NCAPD3: variants seen among roughly 807,000 people sequenced by gnomAD.
The protein encoded by NCAPD3 is non-SMC condensin II complex subunit D3.
A neutral mutation model predicts 182.9 loss-of-function variants in NCAPD3; 105 were observed. The ratio of observed to expected loss-of-function variants is 0.57; its 90% CI spans 0.49 to 0.68. The LOEUF (loss-of-function observed/expected upper bound fraction) is 0.68. Among genes scored for constraint, NCAPD3 ranks in the 30% least tolerant of loss-of-function variants. NCAPD3 has a pLI of 0.00. For synonymous variants in NCAPD3, 815 were observed against 679.9 expected, an observed-to-expected ratio of 1.20 and a Z score of -3.09; for missense variants, 1,944 against 1,837.0, an observed-to-expected ratio of 1.06 and a Z score of -1.07.
At chr11:134,154,491 C>T (rs574745761) in intron 32 of NCAPD3, among the ~76,000 whole-genome samples, 6 of 148,842 alleles carry the variant, frequency 4.0e-5, no homozygotes, top group African/African-American at 1.2e-4. Context: ...CCCCCCCCAC[C>T]GCCCCATCTG....
intron 15 of NCAPD3, 108 bp from the exon 16 acceptor site, chr11:134,193,017 C>A (rs967170794): frequency 9.1e-6 from 6 of 656,154 alleles, no homozygotes; most frequent in Admixed American, 3.0e-5. Flanking sequence ...TGCAAATAGA[C>A]CATAGAGTGA....
Position 134,204,300 on chromosome 11 carries a change from C to T in NCAPD3, c.1090-129G>A. The T allele has an allele frequency of 9.7e-7, 1 of 1,030,842 alleles. No homozygotes were observed. The highest frequency in any genetic ancestry group is 1.9e-5 in the South Asian group (1 of 53,130). 63.9% of individuals were successfully genotyped at this position (1,030,842 alleles called of 1,614,324 possible). A position where few individuals can be genotyped will look rare whatever the true frequency, so the allele number is the denominator to read the frequency against. The stretch of plus-strand genomic sequence containing the variant: ...TGACCTTTAAATGTTACGTAAATGA[C>T]TAATAAATTTTAGGTTTTAGAACAC... On this transcript the variant is annotated intron_variant, in intron 9 of 34. Transcript: ENST00000534548. The surrounding 1 kb of genome is among the most constrained non-coding windows in gnomAD (Gnocchi z 4.3).
chr11:134,159,825 AACG>A (rs1288252555), intron 29 of NCAPD3, 64 bp downstream of exon 29: 31 of 1,499,636 alleles, frequency 2.1e-5, no homozygotes, highest in Middle Eastern at 4.5e-4. Context: ...GTGCCAGACA[AACG>A]ACAGACTGGT....
At chr11:134,186,866 T>G (rs1459008865) in intron 16 of NCAPD3, among the ~76,000 whole-genome samples, 1 of 152,188 alleles carries the variant, frequency 6.6e-6, no homozygotes, top group Non-Finnish European at 1.5e-5. Context: ...AGATGTCAAG[T>G]CTTACTACAG....
Position 134,209,156 on chromosome 11 carries a change from A to G in NCAPD3, c.783T>C (p.Val261=), listed in dbSNP as rs769390104. ...NFEPVLHECH[V]TQARALNQAK... ...ATTTAATGGCTCACCTGGCTTGTGT[A>G]ACATGACATTCATGAAGAACTGGCT... The change falls in exon 6 of 35, where the codon GTT becomes GTC. Residue 261 remains valine (V), a synonymous_variant. Transcript: ENST00000534548. 8 of 1,613,450 alleles carry G rather than the reference A, an allele frequency of 5.0e-6. No individual in the cohort carries two copies. The Admixed American group carries it at 1.2e-4, about 24-fold the overall frequency.
In NCAPD3 at chr11:134,156,930, G is replaced by A. The variant is rs538658947; in HGVS notation, c.4252+88C>T. 1.4e-4 allele frequency: 160 copies of A among 1,177,868 alleles called. No individual in the cohort carries two copies. In the African/African-American group the frequency reaches 1.9e-3, roughly 14 times the overall value. 73.0% of individuals were successfully genotyped at this position (1,177,868 alleles called of 1,614,324 possible). On this transcript the variant is annotated intron_variant, in intron 32 of 34. Coordinates refer to ENST00000534548, the MANE Select transcript of NCAPD3 (RefSeq NM_015261.3). ...CTGACCATCAGAACTATCCTGCACC[G>A]GAAGGAGTTTTACTGCGACTCTAGC...
chr11:134,150,610 G>A lies in NCAPD3; in HGVS notation c.*2334C>T, dbSNP rs1435819209. On this transcript the variant is annotated 3_prime_UTR_variant, in exon 35 of 35. Transcript: ENST00000534548. The stretch of plus-strand genomic sequence containing the variant: ...TGTAACAGACCTCTTTTTGGTTATG[G>A]ATGGCTCACAAAATAGGGCCCCCAA... The A allele has an allele frequency of 6.6e-6, 1 of 152,082 alleles. No homozygotes were observed. The highest frequency in any genetic ancestry group is 1.5e-5 in the Non-Finnish European group (1 of 68,018). 9.4% of individuals were successfully genotyped at this position (152,082 alleles called of 1,614,324 possible).
chr11:134,154,994 G>A (rs2120491034), intron 32 of NCAPD3, among the ~76,000 whole-genome samples: 1 of 152,236 alleles, frequency 6.6e-6, no homozygotes, highest in African/African-American at 2.4e-5. Flanking sequence ...TTCCTGTTTG[G>A]AAGCCCATAT....
In NCAPD3 at chr11:134,184,696, C is replaced by G; in HGVS notation, c.2392G>C (p.Ala798Pro). The G allele has an allele frequency of 6.2e-7, 1 of 1,614,046 alleles. No homozygotes were observed. The highest frequency in any genetic ancestry group is 8.5e-7 in the Non-Finnish European group (1 of 1,179,984). Residue 798 changes from alanine (A) to proline (P), a missense_variant, in exon 19 of 35, where the codon GCT becomes CCT. Ala to Pro is a conservative substitution (Grantham distance 27, BLOSUM62 -1). Around this residue, in one of 3 missense-constraint regions of NCAPD3, gnomAD observed 1,803 missense variants for 1,674.6 expected, o/e 1.08. Coordinates refer to ENST00000534548, the MANE Select transcript of NCAPD3 (RefSeq NM_015261.3). ...FQWSLEVISS[A>P]VDALQRLCRA... The stretch of plus-strand genomic sequence containing the variant: ...CAAAGCCTCTGCAAGGCGTCAACAG[C>G]TGAACTGATCACCTCTAGAGACCAC...
intron 24 of NCAPD3, among the ~76,000 whole-genome samples, chr11:134,170,180 A>T (rs1210743021): frequency 6.6e-6 from 1 of 152,242 alleles, no homozygotes; most frequent in Non-Finnish European, 1.5e-5. Context: ...TTACACCTTG[A>T]CTATTCACCT....
intron 27 of NCAPD3, among the ~76,000 whole-genome samples, chr11:134,162,292 G>A (rs2120580362): frequency 6.6e-6 from 1 of 152,268 alleles, no homozygotes; most frequent in South Asian, 2.1e-4. Flanking sequence ...CTACCCAGAG[G>A]GACACTTCGT....
chr11:134,220,751 G>A (rs774473196), intron 1 of NCAPD3, 25 bp from the exon 2 acceptor site: 29 of 1,595,402 alleles, frequency 1.8e-5, no homozygotes, highest in Non-Finnish European at 2.6e-6. Flanking sequence ...AATGAAATGT[G>A]TAAGTACTCT....
chr11:134,218,528 T>C (rs142694354), intron 2 of NCAPD3, among the ~76,000 whole-genome samples: 1 of 152,304 alleles, frequency 6.6e-6, no homozygotes, highest in East Asian at 1.9e-4. Context: ...TAAACAGAAC[T>C]GTTTCTCCAT....
At chr11:134,188,854 A>T (rs1294426381) in intron 16 of NCAPD3, among the ~76,000 whole-genome samples, 1 of 152,226 alleles carries the variant, frequency 6.6e-6, no homozygotes, top group African/African-American at 2.4e-5. Context: ...GGGTATCCTT[A>T]TAAGAAGAAA....
chr11:134,225,249 G>T, upstream of NCAPD3: 1 of 1,614,152 alleles, frequency 6.2e-7, no homozygotes, highest in Non-Finnish European at 8.5e-7. Context: ...CTTCTACGAC[G>T]GGGAGACGGT....
intron 13 of NCAPD3, among the ~76,000 whole-genome samples, chr11:134,200,977 A>G (rs1944735280): frequency 6.6e-6 from 1 of 152,162 alleles, no homozygotes; most frequent in Admixed American, 6.5e-5. Context: ...CAGACACAAA[A>G]GACAACACAG....
intron 24 of NCAPD3, among the ~76,000 whole-genome samples, chr11:134,174,266 C>G (rs1165032587): frequency 6.7e-6 from 1 of 150,212 alleles, no homozygotes; most frequent in Admixed American, 6.7e-5. Flanking sequence ...ACCTGTAGTC[C>G]GAGTTATCTG....
At chr11:134,156,701 A>T (rs1469045274) in intron 32 of NCAPD3, among the ~76,000 whole-genome samples, 1 of 152,162 alleles carries the variant, frequency 6.6e-6, no homozygotes, top group Non-Finnish European at 1.5e-5. Flanking sequence ...CAGCCCAGAG[A>T]CACGGAGGGC....
intron 17 of NCAPD3, 87 bp downstream of exon 17, chr11:134,185,248 G>T: frequency 2.5e-6 from 3 of 1,197,754 alleles, no homozygotes; most frequent in Non-Finnish European, 3.5e-6. Flanking sequence ...TATATGAATA[G>T]CTATGAAAAA....
Sources: gnomAD v4.1 joint callset for allele counts (sites outside exome capture counted in the v4.1 genomes callset) on GRCh38, gnomAD v4.1.1 for gene constraint, gnomAD v4.1.1 regional missense constraint, Gnocchi (gnomAD v3.1) non-coding constraint, MANE v1.5 for transcripts, NCBI Gene and HGNC (gene_info 2026-07-23, HGNC 2026-07-21) for gene names.